Variants in RFC4 observed in about 807,000 individuals in gnomAD.
RFC4 encodes replication factor C subunit 4.
Under a neutral mutation model 47.6 loss-of-function variants are expected in RFC4, and 38 were observed. The observed-to-expected ratio is 0.80, with a 90% CI of 0.62 to 1.05. The LOEUF is 1.05. Among genes scored for constraint, RFC4 ranks in the 50% least tolerant of loss-of-function variants. The pLI, the probability that RFC4 is intolerant of heterozygous loss-of-function variation, is 0.00. For missense variants in RFC4, 489 were observed against 434.0 expected (o/e 1.13, Z -1.13); for synonymous variants, 164 against 150.0 (o/e 1.09, Z -0.68).
At chr3:186,798,713 C>T (rs572472481) in intron 3 of RFC4, among the ~76,000 whole-genome samples, 3 of 152,190 alleles carry the variant, frequency 2.0e-5, no homozygotes, top group South Asian at 2.1e-4. Context: ...CTTCTTTCTG[C>T]CTGGCCAACT....
chr3:186,794,861 T>G, intron 4 of RFC4, 84 bp from the exon 5 acceptor site: 1 of 1,467,212 alleles, frequency 6.8e-7, no homozygotes, highest in Non-Finnish European at 9.4e-7. Flanking sequence ...TTGCAGACGT[T>G]TAAAATCCAC....
Position 186,802,039 on chromosome 3 carries a change from A to G in RFC4, c.132-844T>C, listed in dbSNP as rs571487334. On this transcript the variant is annotated intron_variant, in intron 2 of 10. Coordinates refer to ENST00000296273, the MANE Select transcript of RFC4 (RefSeq NM_002916.5). ...ACTTTATCTCAAAAAAAAAAAAAAA[A>G]AAAAAATTAAAGTGAACACCTGCTT... is the stretch of plus-strand genomic sequence containing the variant. Among the ~76,000 whole-genome samples the G allele has an allele frequency of 3.3e-5, 5 of 151,364 alleles. No individual in the cohort carries two copies. The South Asian group carries it at 1.0e-3, about 32-fold the overall frequency.
intron 8 of RFC4, among the ~76,000 whole-genome samples, chr3:186,791,132 A>G (rs932539413): frequency 2.6e-5 from 4 of 152,252 alleles, no homozygotes; most frequent in African/African-American, 9.6e-5. Flanking sequence ...AATAGTTTTC[A>G]TGTATAAGAA....
intron 5 of RFC4, 80 bp downstream of exon 5, chr3:186,794,578 C>A: frequency 7.1e-7 from 1 of 1,402,628 alleles, no homozygotes; most frequent in East Asian, 2.3e-5. Context: ...TTGATCTTAG[C>A]CAAAAGGCTG....
In RFC4 at chr3:186,790,420, T is replaced by C. The variant is rs1318164871; in HGVS notation, c.802-14A>G. 1.3e-6 allele frequency: 2 copies of C among 1,577,860 alleles called. No homozygotes were observed. The highest frequency in any genetic ancestry group is 1.7e-6 in the Non-Finnish European group (2 of 1,147,014). ...AGCTGGTATTACCTAGGTAATTGAA[T>C]GTTCGGTATTAAAGATGTTTCTAGG... is the stretch of plus-strand genomic sequence containing the variant. On this transcript the variant is annotated splice_polypyrimidine_tract_variant and intron_variant, in intron 8 of 10. Transcript: ENST00000296273.
At chr3:186,791,535 A>C in intron 8 of RFC4, 190 bp downstream of exon 8, 3 of 624,564 alleles carry the variant, frequency 4.8e-6, no homozygotes, top group South Asian at 1.7e-5. Flanking sequence ...TGTCTGTTAC[A>C]TGCCTGACAA....
chr3:186,799,728 CA>C (rs1458833811), intron 3 of RFC4, among the ~76,000 whole-genome samples: 2 of 149,996 alleles, frequency 1.3e-5, no homozygotes, highest in African/African-American at 5.0e-5. Flanking sequence ...CAAAAAAAAA[CA>C]AAAAAACAAA....
At chr3:186,806,229 G>A (rs1391958961) in intron 1 of RFC4, 61 bp downstream of exon 1, 1 of 148,572 alleles carries the variant, frequency 6.7e-6, no homozygotes, top group Non-Finnish European at 1.5e-5. Context: ...GACCTCACAA[G>A]GGGCATCAAG....
intron 2 of RFC4, among the ~76,000 whole-genome samples, chr3:186,803,346 AAAAC>A (rs1332090452): frequency 1.3e-5 from 2 of 152,084 alleles, no homozygotes; most frequent in South Asian, 2.1e-4. Context: ...CTGTCCCAAA[AAAAC>A]AAACAAACAA....
At position 186,792,835 on chromosome 3, in the gene RFC4, GGGT is replaced by G; in HGVS notation, c.520_522del (p.Thr174del). ...ACATAGTTACAGATAAGACAGAATC[GGGT>G]GGTTTTCGACTCCTTCTCCATGGTA... On this transcript the variant is annotated inframe_deletion, in exon 6 of 11. Transcript: ENST00000296273. 6.2e-7 allele frequency: 1 copy of G among 1,613,862 alleles called. No homozygotes were observed. The highest frequency in any genetic ancestry group is 8.5e-7 in the Non-Finnish European group (1 of 1,179,944).
intron 2 of RFC4, among the ~76,000 whole-genome samples, chr3:186,802,837 C>A (rs1440742640): frequency 6.6e-6 from 1 of 151,920 alleles, no homozygotes; most frequent in Non-Finnish European, 1.5e-5. Context: ...GTGAGGAAGG[C>A]AGAGTGTGAT....
chr3:186,791,591 C>A, intron 8 of RFC4, 134 bp downstream of exon 8: 1 of 802,518 alleles, frequency 1.2e-6, no homozygotes. Flanking sequence ...CTCTGATACT[C>A]CCAGGTTATT....
chr3:186,790,693 T>C (rs987527724), intron 8 of RFC4, among the ~76,000 whole-genome samples: 4 of 152,108 alleles, frequency 2.6e-5, no homozygotes, highest in African/African-American at 4.8e-5. Context: ...GATTAAGTTT[T>C]CCCCTAGCGG....
chr3:186,792,425 G>A, intron 7 of RFC4, 65 bp downstream of exon 7: 2 of 1,424,266 alleles, frequency 1.4e-6, no homozygotes, highest in East Asian at 2.3e-5. Flanking sequence ...AATCTTTCAG[G>A]GCCTCTTTAT....
chr3:186,800,042 G>A (rs1312079733), intron 3 of RFC4, among the ~76,000 whole-genome samples: 1 of 151,938 alleles, frequency 6.6e-6, no homozygotes, highest in Non-Finnish European at 1.5e-5. Flanking sequence ...CAACCCCTCC[G>A]CCTCCCAGGT....
intron 2 of RFC4, among the ~76,000 whole-genome samples, chr3:186,804,007 C>T (rs1722419890): frequency 6.6e-6 from 1 of 151,906 alleles, no homozygotes; most frequent in South Asian, 2.1e-4. Flanking sequence ...CATGGTGAAA[C>T]CCCGTCTCTA....
chr3:186,790,916 C>CA (rs566028487), intron 8 of RFC4, among the ~76,000 whole-genome samples: 4 of 150,224 alleles, frequency 2.7e-5, no homozygotes, highest in Non-Finnish European at 6.0e-5. Flanking sequence ...GTCATAGAAA[C>CA]AAAGAGGATT....
rs550311549 is a variant in RFC4, at chr3:186,794,633, G to C, written c.410+25C>G. On this transcript the variant is annotated intron_variant, in intron 5 of 10. Coordinates refer to ENST00000296273, the MANE Select transcript of RFC4 (RefSeq NM_002916.5). Reference sequence around the variant, plus strand: ...CATATTTAAAATAATACATGCTATGGAGGAGGGAGGGCAAATTTACTTACT... The same window carrying C: ...CATATTTAAAATAATACATGCTATGCAGGAGGGAGGGCAAATTTACTTACT... 3 of 1,609,360 alleles carry C rather than the reference G, an allele frequency of 1.9e-6. No individual in the cohort carries two copies. The South Asian group carries it at 3.3e-5, about 18-fold the overall frequency.
rs769330753 is a variant in RFC4 at position 186,793,859 on chromosome 3, A to C, written c.410+799T>G. Among the ~76,000 whole-genome samples, 22 of 151,890 alleles carry C rather than the reference A, an allele frequency of 1.4e-4. 1 individual carries two copies. Among genetic ancestry groups the C allele is most frequent in the Non-Finnish European group, 3.1e-4 (21 of 68,002 alleles). On this transcript the variant is annotated intron_variant, in intron 5 of 10. Coordinates refer to ENST00000296273, the MANE Select transcript of RFC4 (RefSeq NM_002916.5). The surrounding 1 kb of genome is among the most constrained non-coding windows in gnomAD (Gnocchi z 4.2). ...TGCCTCAGCCTCCCGAGTAGCTGGG[A>C]CTACAGGCGCCCGCCACCACACCCA...
Sources: allele counts gnomAD v4.1 joint callset (sites outside exome capture counted in the v4.1 genomes callset), GRCh38; gene constraint gnomAD v4.1.1; non-coding constraint Gnocchi (gnomAD v3.1); transcripts MANE v1.5; gene names NCBI Gene and HGNC (gene_info 2026-07-23, HGNC 2026-07-21).